SRP19: variants seen among roughly 807,000 people sequenced by gnomAD.
SRP19 encodes the protein signal recognition particle 19 kDa protein.
Under a neutral mutation model 22.4 loss-of-function variants are expected in SRP19, and 11 were observed. The observed-to-expected ratio is 0.49, with a 90% CI of 0.31 to 0.81. SRP19 has a LOEUF of 0.81. Among genes scored for constraint, SRP19 ranks in the 40% least tolerant of loss-of-function variants. The pLI is 0.05. For synonymous variants in SRP19, 61 were observed against 57.6 expected, an observed-to-expected ratio of 1.06 and a Z score of -0.27; for missense variants, 168 against 175.9, an observed-to-expected ratio of 0.96 and a Z score of 0.25.
chr5:112,880,198 G>A (rs1416633895), intron 4 of SRP19, among the ~76,000 whole-genome samples: 2 of 152,108 alleles, frequency 1.3e-5, no homozygotes, highest in Non-Finnish European at 2.9e-5. Context: ...ATTCCTTGAA[G>A]CCAGGAGTTT....
downstream of SRP19, among the ~76,000 whole-genome samples, chr5:112,870,595 C>T (rs1767734715): frequency 6.6e-6 from 1 of 152,090 alleles, no homozygotes; most frequent in African/African-American, 2.4e-5. Flanking sequence ...TTTGGATGTC[C>T]CCTCCAAAAT....
downstream of SRP19, chr5:112,895,980 G>C (rs1768668078): frequency 6.6e-6 from 1 of 152,270 alleles, no homozygotes; most frequent in Admixed American, 6.5e-5. Context: ...ATTACAACAG[G>C]CCATTCTATT....
chr5:112,892,894 A>T (rs1424413780), exon 5 of SRP19: 1 of 1,611,266 alleles, frequency 6.2e-7, no homozygotes, highest in Admixed American at 1.7e-5. Flanking sequence ...CACATCAAAG[A>T]GTCGGGAGAG....
At chr5:112,897,641 A>G (rs759533251), downstream of SRP19, 1 of 152,384 alleles carries the variant, frequency 6.6e-6, no homozygotes, top group Admixed American at 6.5e-5. Context: ...ATCATATATT[A>G]TCTTCTCAAC....
chr5:112,878,428 G>GTAAC (rs1767962698), intron 4 of SRP19: 1 of 220,028 alleles, frequency 4.5e-6, no homozygotes, highest in Non-Finnish European at 9.0e-6. Flanking sequence ...TATCCTAAAT[G>GTAAC]TAACTACAGA....
chr5:112,861,424 T>TCTGAGGCGGTGGGTC lies in SRP19; in HGVS notation c.41+10_41+24dup. Reference sequence around the variant, plus strand: ...CCCCGGCCGACCAGGACAGGTGGGTTCTGAGGCGGTGGGTCCTCCGAAAGG... The same window carrying TCTGAGGCGGTGGGTC: ...CCCCGGCCGACCAGGACAGGTGGGTTCTGAGGCGGTGGGTCCTGAGGCGGTGGGTCCTCCGAAAGG... On this transcript the variant is annotated splice_region_variant and intron_variant, in intron 1 of 4. Transcript: ENST00000505459. 6.2e-7 allele frequency: 1 copy of TCTGAGGCGGTGGGTC among 1,612,476 alleles called. No individual in the cohort carries two copies.
At chr5:112,874,465 T>C (rs1286854878), downstream of SRP19, among the ~76,000 whole-genome samples, 2 of 152,196 alleles carry the variant, frequency 1.3e-5, no homozygotes, top group Non-Finnish European at 2.9e-5. Context: ...CTGGGTACCA[T>C]GGTAGACTAA....
In SRP19 at chr5:112,880,571, A is replaced by G. The variant is rs553980777; in HGVS notation, c.302-11032A>G. Among the ~76,000 whole-genome samples, 29 of 152,354 alleles carry G rather than the reference A, an allele frequency of 1.9e-4. No individual in the cohort carries two copies. The South Asian group carries it at 5.8e-3, about 30-fold the overall frequency. On this transcript the variant is annotated intron_variant, in intron 4 of 4. Coordinates refer to the SRP19 transcript ENST00000391338. ...AGAAAATGTAGTCCTTCCCTTAACT[A>G]ACCCTTTGTAGAAATTCCTAGTTAA...
chr5:112,885,336 C>A, intron 4 of SRP19: 1 of 177,586 alleles, frequency 5.6e-6, no homozygotes, highest in Non-Finnish European at 1.2e-5. Context: ...TAGAACAGAA[C>A]CAAAAACTTT....
chr5:112,888,560 A>G (rs570990624), intron 4 of SRP19, among the ~76,000 whole-genome samples: 22 of 142,056 alleles, frequency 1.5e-4, no homozygotes, highest in Non-Finnish European at 3.0e-4. Context: ...GCTGGGAATG[A>G]CTGCAGGCAT....
At chr5:112,876,459 C>T (rs1767897691) in intron 4 of SRP19, 1 of 152,130 alleles carries the variant, frequency 6.6e-6, no homozygotes, top group African/African-American at 2.4e-5. Flanking sequence ...TAGGTGATAA[C>T]AGTGTGAAGG....
downstream of SRP19, among the ~76,000 whole-genome samples, chr5:112,874,587 T>C (rs1767852552): frequency 6.6e-6 from 1 of 152,186 alleles, no homozygotes. Flanking sequence ...GATACAAAGA[T>C]AGCATTTACC....
chr5:112,873,654 T>C (rs1767809156), downstream of SRP19, among the ~76,000 whole-genome samples: 1 of 152,136 alleles, frequency 6.6e-6, no homozygotes, highest in African/African-American at 2.4e-5. Flanking sequence ...GCCTTCTTTC[T>C]AACTTCTTTA....
At chr5:112,865,462 AT>A (rs1177193147) in intron 4 of SRP19, among the ~76,000 whole-genome samples, 1 of 152,128 alleles carries the variant, frequency 6.6e-6, no homozygotes, top group Admixed American at 6.5e-5. Context: ...ATTTTTCTGA[AT>A]TTTCATCTCT....
intron 2 of SRP19, 104 bp from the exon 3 acceptor site, chr5:112,864,353 T>G: frequency 1.0e-6 from 1 of 978,294 alleles, no homozygotes; most frequent in Non-Finnish European, 1.6e-6. Flanking sequence ...AAACCTAGGG[T>G]TTTGGTACTT....
At chr5:112,886,660 T>C (rs901602749) in intron 4 of SRP19, among the ~76,000 whole-genome samples, 2 of 152,226 alleles carry the variant, frequency 1.3e-5, no homozygotes, top group African/African-American at 2.4e-5. Flanking sequence ...TCCATTTATT[T>C]AAAACTACCT....
chr5:112,887,322 G>C (rs746695222), intron 4 of SRP19: 2 of 752,740 alleles, frequency 2.7e-6, no homozygotes, highest in Non-Finnish European at 3.8e-6. Flanking sequence ...GTTTTCTGCA[G>C]GTTAAAGGTG....
At chr5:112,890,862 C>T (rs1768417683) in intron 4 of SRP19, among the ~76,000 whole-genome samples, 1 of 150,542 alleles carries the variant, frequency 6.6e-6, no homozygotes, top group African/African-American at 2.5e-5. Context: ...CTGGTTTTTC[C>T]TCTATAAAAT....
At position 112,875,818 on chromosome 5, in the gene SRP19, G is replaced by A. The variant is rs962195834; in HGVS notation, c.301+11086G>A. Reference sequence around the variant, plus strand: ...TCCCAGCTCTTTGGGAGGCCGAGGCGGGTGGATCATGAGGTCAGGAGATCG... The same window carrying A: ...TCCCAGCTCTTTGGGAGGCCGAGGCAGGTGGATCATGAGGTCAGGAGATCG... On this transcript the variant is annotated intron_variant, in intron 4 of 4. Transcript: ENST00000391338. Among the ~76,000 whole-genome samples the A allele has an allele frequency of 4.7e-4, 72 of 151,848 alleles. 1 individual carries two copies. Among genetic ancestry groups the A allele is most frequent in the African/African-American group, 1.6e-3 (67 of 41,366 alleles).
Sources: allele counts gnomAD v4.1 joint callset (sites outside exome capture counted in the v4.1 genomes callset), GRCh38; gene constraint gnomAD v4.1.1; transcripts MANE v1.5; gene names NCBI Gene and HGNC (gene_info 2026-07-23, HGNC 2026-07-21).